The following DDX21 variants were observed in gnomAD, a reference collection of about 807,000 sequenced individuals.
DDX21 encodes nucleolar RNA helicase 2.
Under a neutral mutation model 90.0 loss-of-function variants are expected in DDX21, and 18 were observed. That is an observed-to-expected ratio of 0.20 (90% confidence interval 0.14 to 0.30). The LOEUF (loss-of-function observed/expected upper bound fraction) is 0.30, where lower values mean the gene tolerates loss of function less well. DDX21 is among the 10% of genes least tolerant of loss of function. The pLI, the probability that DDX21 is intolerant of heterozygous loss-of-function variation, is 1.00. For missense variants in DDX21, 673 were observed against 944.5 expected, an observed-to-expected ratio of 0.71 and a Z score of 3.77; for synonymous variants, 294 against 318.0, an observed-to-expected ratio of 0.92 and a Z score of 0.80.
At chr10:68,966,283 G>A (rs1842937447) in intron 5 of DDX21, among the ~76,000 whole-genome samples, 1 of 151,136 alleles carries the variant, frequency 6.6e-6, no homozygotes, top group South Asian at 2.1e-4. Flanking sequence ...CACCATATCG[G>A]CCAGGCTGAT....
intron 1 of DDX21, among the ~76,000 whole-genome samples, chr10:68,958,482 G>C (rs1388243394): frequency 6.6e-6 from 1 of 151,976 alleles, no homozygotes; most frequent in East Asian, 1.9e-4. Flanking sequence ...TGTCGCCCAG[G>C]CTGGAGTGCA....
chr10:68,977,399 T>A, intron 11 of DDX21, 130 bp from the exon 12 acceptor site: 1 of 815,708 alleles, frequency 1.2e-6, no homozygotes, highest in Non-Finnish European at 1.9e-6. Context: ...GATTATTATA[T>A]ACTGCATCAA....
At chr10:68,973,199 G>C (rs907828273) in intron 9 of DDX21, among the ~76,000 whole-genome samples, 6 of 142,950 alleles carry the variant, frequency 4.2e-5, no homozygotes, top group African/African-American at 7.7e-5. Context: ...TGTCTCAAAA[G>C]AAAAAAAAAA....
rs1330857988 is a variant in DDX21 at position 68,983,385 on chromosome 10, T to A, written c.*573T>A. 1 of 153,568 alleles carries A rather than the reference T, an allele frequency of 6.5e-6. No homozygotes were observed. The highest frequency in any genetic ancestry group is 2.4e-5 in the African/African-American group (1 of 41,464). 9.5% of individuals were successfully genotyped at this position (153,568 alleles called of 1,614,324 possible). A position where few individuals can be genotyped will look rare whatever the true frequency, so the allele number is the denominator to read the frequency against. On this transcript the variant is annotated 3_prime_UTR_variant, in exon 15 of 15. Transcript: ENST00000354185. ...CAGTGTATGCTCTAGACTTGGAAGA[T>A]GTAGTATGTTTGATGTGGATTACCT...
chr10:68,958,498 A>G (rs1158798705), intron 1 of DDX21, among the ~76,000 whole-genome samples: 1 of 151,826 alleles, frequency 6.6e-6, no homozygotes, highest in Non-Finnish European at 1.5e-5. Flanking sequence ...GTGCAGTGGC[A>G]TGATCTCAGC....
In DDX21 at chr10:68,966,960, C is replaced by G. The variant is rs1283894017; in HGVS notation, c.905-58C>G. On this transcript the variant is annotated intron_variant, in intron 5 of 14. Coordinates refer to ENST00000354185, the MANE Select transcript of DDX21 (RefSeq NM_004728.4). ...TAACAATACAGTTAACTGTGGTACC[C>G]CACACAGATAAAAGTACTTACTAAA... is the stretch of plus-strand genomic sequence containing the variant. 4 of 1,470,506 alleles carry G rather than the reference C, an allele frequency of 2.7e-6. No homozygotes were observed. The African/African-American group carries it at 5.6e-5, about 21-fold the overall frequency. The allele number at this position is 1,470,506 out of a possible 1,614,324, so 91.1% of individuals were successfully genotyped here.
In DDX21 at chr10:68,974,754, T is replaced by C; in HGVS notation, c.1742+11T>C. ...CAAAGATGCCATCAGGTATGTTCCCTACCACTGCTATGGTCTGTTTTAGTG... is the reference window on the plus strand; with the variant it reads ...CAAAGATGCCATCAGGTATGTTCCCCACCACTGCTATGGTCTGTTTTAGTG... On this transcript the variant is annotated intron_variant, in intron 11 of 14. Coordinates refer to ENST00000354185, the MANE Select transcript of DDX21 (RefSeq NM_004728.4). 1 of 1,607,598 alleles carries C rather than the reference T, an allele frequency of 6.2e-7. No individual in the cohort carries two copies. The highest frequency in any genetic ancestry group is 1.7e-4 in the Middle Eastern group (1 of 6,052).
chr10:68,978,153 AAC>A (rs977651478), intron 12 of DDX21, among the ~76,000 whole-genome samples: 4 of 151,918 alleles, frequency 2.6e-5, no homozygotes, highest in African/African-American at 9.7e-5. Context: ...CCCATGTTTA[AAC>A]ACACACACAC....
intron 8 of DDX21, 79 bp from the exon 9 acceptor site, chr10:68,971,812 T>C: frequency 7.0e-7 from 1 of 1,437,786 alleles, no homozygotes; most frequent in Non-Finnish European, 9.5e-7. Context: ...TGAATGTCTT[T>C]TACAGGCCTA....
At position 68,984,181 on chromosome 10, in the gene DDX21, A is replaced by G. The variant is rs1778363371; in HGVS notation, c.*1369A>G. 1 of 152,202 alleles carries G rather than the reference A, an allele frequency of 6.6e-6. No homozygotes were observed. The highest frequency in any genetic ancestry group is 2.4e-5 in the African/African-American group (1 of 41,430). The allele number at this position is 152,202 out of a possible 1,614,324, so 9.4% of individuals were successfully genotyped here. ...TTTCTGTACTGAGAATCCTGGAACT[A>G]CTATGCTAGGAAATTTAAAGCTGCA... On this transcript the variant is annotated 3_prime_UTR_variant, in exon 15 of 15. Transcript: ENST00000354185.
At chr10:68,956,445 TTG>T (rs1842795257) in intron 1 of DDX21, 133 bp downstream of exon 1, 1 of 1,490,718 alleles carries the variant, frequency 6.7e-7, no homozygotes. Context: ...GGCGTGGGTC[TTG>T]GCGGGCGGTC....
chr10:68,956,202 C>T lies in DDX21; in HGVS notation c.-24C>T, dbSNP rs376034982. ...TCTCCACGCGGTTGAGAAGACCGGT[C>T]GGCCTGGGCAACCTGCGCTGAAGAT... On this transcript the variant is annotated 5_prime_UTR_variant, in exon 1 of 15. Transcript: ENST00000354185. 1.1e-5 allele frequency: 18 copies of T among 1,612,410 alleles called. No individual in the cohort carries two copies. The highest frequency in any genetic ancestry group is 2.2e-5 in the East Asian group (1 of 44,890).
Position 68,983,129 on chromosome 10 carries a change from C to G in DDX21, c.*317C>G. 3.1e-6 allele frequency: 1 copy of G among 327,544 alleles called. No individual in the cohort carries two copies. Among genetic ancestry groups the G allele is most frequent in the Non-Finnish European group, 5.8e-6 (1 of 172,984 alleles). The allele number at this position is 327,544 out of a possible 1,614,324, so 20.3% of individuals were successfully genotyped here. A position where few individuals can be genotyped will look rare whatever the true frequency, so the allele number is the denominator to read the frequency against. On this transcript the variant is annotated 3_prime_UTR_variant, in exon 15 of 15. Transcript: ENST00000354185. Reference sequence around the variant, plus strand: ...ATCTGCCTATACTTTGTGAGTTCACCTGTCTTTATACTCAAAAGTGTCCCT... The same window carrying G: ...ATCTGCCTATACTTTGTGAGTTCACGTGTCTTTATACTCAAAAGTGTCCCT...
Position 68,973,562 on chromosome 10 carries a change from T to C in DDX21, c.1566T>C (p.Ile522=). ...TTCAATAGGATGTAGAGTCCTACAT[T>C]CATCGATCCGGGCGGACAGGCAGAG... The part of the protein sequence containing the change: ...SSPPKDVESY[I]HRSGRTGRAG... The change falls in exon 10 of 15, where the codon ATT becomes ATC. Residue 522 remains isoleucine, a synonymous_variant. Coordinates refer to ENST00000354185, the MANE Select transcript of DDX21 (RefSeq NM_004728.4). 1 of 1,614,110 alleles carries C rather than the reference T, an allele frequency of 6.2e-7. No individual in the cohort carries two copies. Among genetic ancestry groups the C allele is most frequent in the South Asian group, 1.1e-5 (1 of 91,080 alleles).
chr10:68,964,203 C>A, intron 4 of DDX21: 2 of 344,964 alleles, frequency 5.8e-6, no homozygotes, highest in Non-Finnish European at 5.7e-6. Context: ...GGGTTCATTT[C>A]TAGAGAACTT....
chr10:68,970,193 T>A lies in DDX21; in HGVS notation c.1237-8T>A. The A allele has an allele frequency of 6.3e-7, 1 of 1,593,462 alleles. No individual in the cohort carries two copies. Among genetic ancestry groups the A allele is most frequent in the Non-Finnish European group, 8.5e-7 (1 of 1,173,650 alleles). ...ACTAAATAGATGTTTTTTTTCTTCTTACATAAGCATCTGGCTATTAAGTGC... is the reference window on the plus strand; with the variant it reads ...ACTAAATAGATGTTTTTTTTCTTCTAACATAAGCATCTGGCTATTAAGTGC... On this transcript the variant is annotated splice_polypyrimidine_tract_variant and splice_region_variant and intron_variant, in intron 7 of 14. Coordinates refer to ENST00000354185, the MANE Select transcript of DDX21 (RefSeq NM_004728.4).
chr10:68,972,151 G>C, intron 9 of DDX21, 99 bp downstream of exon 9: 1 of 1,362,760 alleles, frequency 7.3e-7, no homozygotes, highest in Non-Finnish European at 1.0e-6. Flanking sequence ...TTAGTATATA[G>C]CTATCTTTTG....
intron 3 of DDX21, 132 bp downstream of exon 3, chr10:68,962,289 G>T: frequency 1.6e-6 from 1 of 641,190 alleles, no homozygotes; most frequent in East Asian, 2.8e-5. Context: ...AATGAAGTAG[G>T]CCTGTGTATT....
In DDX21 at chr10:68,960,017, A is replaced by G; in HGVS notation, c.299A>G (p.Glu100Gly). The change falls in exon 2 of 15, where the codon GAG becomes GGG. Residue 100 changes from glutamate to glycine, a missense_variant. Transcript: ENST00000354185. Reference sequence around the variant, plus strand: ...ACCAAAAGTTTGAGAAAGAAAAAGGAGCCCATTGAAAAGAAAGTGGTTTCT... The same window carrying G: ...ACCAAAAGTTTGAGAAAGAAAAAGGGGCCCATTGAAAAGAAAGTGGTTTCT... Reference protein sequence around the residue: ...PKTKSLRKKKEPIEKKVVSSK... With the variant: ...PKTKSLRKKKGPIEKKVVSSK... The G allele has an allele frequency of 6.2e-7, 1 of 1,604,230 alleles. No individual in the cohort carries two copies.
Sources: gnomAD v4.1 joint callset for allele counts (sites outside exome capture counted in the v4.1 genomes callset) on GRCh38, gnomAD v4.1.1 for gene constraint, MANE v1.5 for transcripts, NCBI Gene and HGNC (gene_info 2026-07-23, HGNC 2026-07-21) for gene names.